CMTM8: variants seen among roughly 807,000 people sequenced by gnomAD.
CMTM8 encodes CKLF like MARVEL transmembrane domain containing 8.
A neutral mutation model predicts 18.6 loss-of-function variants in CMTM8; 12 were observed. The ratio of observed to expected loss-of-function variants is 0.65; its 90% CI spans 0.41 to 1.05. The LOEUF is 1.05. CMTM8 is among the 50% of genes least tolerant of loss of function. The probability of loss-of-function intolerance (pLI) is 0.00; values close to 1 mark genes in which losing one functional copy is unlikely to be tolerated. For synonymous variants in CMTM8, 87 were observed against 90.6 expected, an observed-to-expected ratio of 0.96 and a Z score of 0.23; for missense variants, 217 against 227.2, an observed-to-expected ratio of 0.95 and a Z score of 0.29.
intron 1 of CMTM8, among the ~76,000 whole-genome samples, chr3:32,244,979 T>C (rs1701991102): frequency 6.6e-6 from 1 of 152,262 alleles, no homozygotes; most frequent in Non-Finnish European, 1.5e-5. Flanking sequence ...CAAATGTTAA[T>C]GATCACCTTA....
At chr3:32,289,108 T>A (rs1418537640) in intron 1 of CMTM8, among the ~76,000 whole-genome samples, 1 of 152,180 alleles carries the variant, frequency 6.6e-6, no homozygotes, top group Non-Finnish European at 1.5e-5. Flanking sequence ...GGGTTTGTGA[T>A]GAACCAGAGA....
At chr3:32,355,927 C>G (rs1479105414) in intron 1 of CMTM8, among the ~76,000 whole-genome samples, 4 of 152,214 alleles carry the variant, frequency 2.6e-5, no homozygotes, top group African/African-American at 9.6e-5. Flanking sequence ...GCCTGGACTT[C>G]TCCGATGCTT....
chr3:32,287,003 CTT>C, intron 1 of CMTM8, among the ~76,000 whole-genome samples: 1 of 152,332 alleles, frequency 6.6e-6, no homozygotes, highest in South Asian at 2.1e-4. Context: ...CCCTCTGAAA[CTT>C]GGTTTCTTCT....
At chr3:32,257,621 T>C (rs1702191033) in intron 1 of CMTM8, among the ~76,000 whole-genome samples, 1 of 152,204 alleles carries the variant, frequency 6.6e-6, no homozygotes, top group South Asian at 2.1e-4. Context: ...CAATTAGTCA[T>C]TCTAAAATGT....
At chr3:32,262,997 C>T (rs1702277456) in intron 1 of CMTM8, among the ~76,000 whole-genome samples, 1 of 152,212 alleles carries the variant, frequency 6.6e-6, no homozygotes, top group South Asian at 2.1e-4. Flanking sequence ...CAGAGCAGGG[C>T]AGTTCCAAAA....
intron 1 of CMTM8, among the ~76,000 whole-genome samples, chr3:32,322,202 T>C (rs1312645606): frequency 6.6e-6 from 1 of 152,224 alleles, no homozygotes; most frequent in East Asian, 1.9e-4. Flanking sequence ...AGAACCCAAC[T>C]GAGTGTGCAG....
chr3:32,325,233 G>A (rs1168791840), intron 1 of CMTM8, among the ~76,000 whole-genome samples: 2 of 152,192 alleles, frequency 1.3e-5, no homozygotes, highest in East Asian at 1.9e-4. Flanking sequence ...ATTGATTTAT[G>A]ACCATCCCCG....
chr3:32,295,478 ACAAAAC>A (rs554470418), intron 1 of CMTM8, among the ~76,000 whole-genome samples: 1,281 of 91,966 alleles, frequency 0.014, 187 homozygotes, highest in African/African-American at 0.049. Context: ...AAAAAAAAAA[ACAAAAC>A]AAAACAGCGG....
chr3:32,327,054 T>C (rs1320328154), intron 1 of CMTM8, among the ~76,000 whole-genome samples: 1 of 152,018 alleles, frequency 6.6e-6, no homozygotes, highest in Admixed American at 6.5e-5. Context: ...GTGCATGGCT[T>C]CCTTAGTTGT....
intron 1 of CMTM8, among the ~76,000 whole-genome samples, chr3:32,265,621 A>G (rs200082693): frequency 0.098 from 13,916 of 141,398 alleles, 1,105 homozygotes; most frequent in East Asian, 0.43. Context: ...AACTGAAGGA[A>G]ATAGAGACAC....
intron 1 of CMTM8, among the ~76,000 whole-genome samples, chr3:32,281,672 C>T (rs1202149897): frequency 6.6e-6 from 1 of 152,092 alleles, no homozygotes; most frequent in Non-Finnish European, 1.5e-5. Context: ...CCACCTGCTC[C>T]TGACTGAACC....
chr3:32,333,816 A>G (rs1696328838), intron 1 of CMTM8, among the ~76,000 whole-genome samples: 1 of 152,088 alleles, frequency 6.6e-6, no homozygotes, highest in Non-Finnish European at 1.5e-5. Flanking sequence ...GTCTAAACCC[A>G]TAGAATGCCT....
intron 1 of CMTM8, among the ~76,000 whole-genome samples, chr3:32,297,900 A>G (rs1364613185): frequency 6.6e-6 from 1 of 151,780 alleles, no homozygotes; most frequent in Non-Finnish European, 1.5e-5. Context: ...TTATGAGGGA[A>G]CCCTGGATAA....
At chr3:32,288,325 T>A (rs1340277878) in intron 1 of CMTM8, among the ~76,000 whole-genome samples, 1 of 152,110 alleles carries the variant, frequency 6.6e-6, no homozygotes, top group African/African-American at 2.4e-5. Flanking sequence ...ACTCTGTCAC[T>A]CAGGGTAGAG....
chr3:32,254,146 G>A (rs1242632637), intron 1 of CMTM8, among the ~76,000 whole-genome samples: 16 of 152,078 alleles, frequency 1.1e-4, no homozygotes, highest in Admixed American at 9.8e-4. Context: ...CACCCACCTC[G>A]GTCTCCCAAA....
At chr3:32,247,790 A>T (rs1702059857) in intron 1 of CMTM8, among the ~76,000 whole-genome samples, 1 of 152,150 alleles carries the variant, frequency 6.6e-6, no homozygotes, top group African/African-American at 2.4e-5. Flanking sequence ...AATTTTTTGA[A>T]ATGTCTTCCT....
intron 1 of CMTM8, among the ~76,000 whole-genome samples, chr3:32,335,975 T>A (rs1357819580): frequency 1.3e-5 from 2 of 152,174 alleles, no homozygotes; most frequent in African/African-American, 4.8e-5. Context: ...AAAGCAGCCC[T>A]GACCAAGTGG....
intron 1 of CMTM8, among the ~76,000 whole-genome samples, chr3:32,284,794 G>GGTTTTT (rs1329417653): frequency 1.3e-5 from 2 of 152,142 alleles, no homozygotes; most frequent in African/African-American, 4.8e-5. Flanking sequence ...TTGAGGGAAA[G>GGTTTTT]GTTTTTGTTT....
At chr3:32,272,638 C>T (rs957359551) in intron 1 of CMTM8, among the ~76,000 whole-genome samples, 2 of 151,912 alleles carry the variant, frequency 1.3e-5, no homozygotes, top group Admixed American at 1.3e-4. Flanking sequence ...TGAACTTTTC[C>T]AGATCTACTG....
Sources: gnomAD v4.1 joint callset for allele counts (sites outside exome capture counted in the v4.1 genomes callset) on GRCh38, gnomAD v4.1.1 for gene constraint, MANE v1.5 for transcripts, NCBI Gene and HGNC (gene_info 2026-07-23, HGNC 2026-07-21) for gene names.